NOL4: variants seen among roughly 807,000 people sequenced by gnomAD.
The protein encoded by NOL4 is cancer/testis antigen 125.
A neutral mutation model predicts 75.9 loss-of-function variants in NOL4; 17 were observed. The observed-to-expected ratio is 0.22, with a 90% CI of 0.15 to 0.34. NOL4 has a LOEUF of 0.34. Among genes scored for constraint, NOL4 ranks in the 10% least tolerant of loss-of-function variants. The pLI, the probability that NOL4 is intolerant of heterozygous loss-of-function variation, is 1.00. For missense variants in NOL4, 614 were observed against 793.5 expected (o/e 0.77, Z 2.72); for synonymous variants, 292 against 289.9 (o/e 1.01, Z -0.07).
intron 9 of NOL4, among the ~76,000 whole-genome samples, chr18:33,926,472 T>C (rs1262988519): frequency 6.6e-6 from 1 of 152,008 alleles, no homozygotes; most frequent in African/African-American, 2.4e-5. Flanking sequence ...TTCTTAGATG[T>C]CTTCTGAAAA....
intron 5 of NOL4, among the ~76,000 whole-genome samples, chr18:34,057,289 T>C (rs1008447907): frequency 4.6e-5 from 7 of 152,212 alleles, no homozygotes; most frequent in Non-Finnish European, 8.8e-5. Context: ...CATGTGCATA[T>C]GTACACTCAC....
chr18:34,066,080 T>C (rs2077264274), intron 5 of NOL4, among the ~76,000 whole-genome samples: 1 of 152,014 alleles, frequency 6.6e-6, no homozygotes, highest in Non-Finnish European at 1.5e-5. Flanking sequence ...TGATTTGAAG[T>C]ATATATTCTA....
intron 1 of NOL4, among the ~76,000 whole-genome samples, chr18:34,196,997 T>C (rs987602153): frequency 2.0e-5 from 3 of 152,034 alleles, no homozygotes; most frequent in Non-Finnish European, 4.4e-5. Context: ...AGGTTTTGAG[T>C]TCTTCTGTTT....
rs747554056 is a variant in NOL4 at position 34,019,489 on chromosome 18, A to G, written c.885T>C (p.Thr295=). 6.2e-7 allele frequency: 1 copy of G among 1,614,016 alleles called. No individual in the cohort carries two copies. Among genetic ancestry groups the G allele is most frequent in the Admixed American group, 1.7e-5 (1 of 59,986 alleles). The change falls in exon 6 of 11, where the codon ACT becomes ACC. Residue 295 remains threonine (T), a synonymous_variant. Coordinates refer to ENST00000261592, the MANE Select transcript of NOL4 (RefSeq NM_003787.5). ...EMGDSNSDGK[T]GLEQDEQPLN... ...GTGGCTGTTCATCTTGCTCCAGCCC[A>G]GTTTTGCCATCACTGTTGGAGTCTC...
intron 8 of NOL4, among the ~76,000 whole-genome samples, chr18:33,951,937 A>G (rs1247143067): frequency 6.6e-6 from 1 of 152,136 alleles, no homozygotes; most frequent in African/African-American, 2.4e-5. Context: ...TTGGGTGGAC[A>G]TTCATACCCC....
At chr18:33,951,326 T>C (rs2069201818) in intron 8 of NOL4, among the ~76,000 whole-genome samples, 1 of 152,170 alleles carries the variant, frequency 6.6e-6, no homozygotes, top group African/African-American at 2.4e-5. Flanking sequence ...AGACTTTTTT[T>C]CTTAGTACTT....
intron 5 of NOL4, among the ~76,000 whole-genome samples, chr18:34,079,680 A>G (rs2077910813): frequency 1.3e-5 from 2 of 152,012 alleles, no homozygotes; most frequent in Non-Finnish European, 2.9e-5. Context: ...TCCCACACAC[A>G]TATGATTGAA....
intron 5 of NOL4, among the ~76,000 whole-genome samples, chr18:34,032,397 C>T (rs924147462): frequency 6.6e-6 from 1 of 152,144 alleles, no homozygotes; most frequent in Non-Finnish European, 1.5e-5. Context: ...CTCACCTGGC[C>T]CAGTGTTGCC....
intron 5 of NOL4, among the ~76,000 whole-genome samples, chr18:34,082,837 C>A (rs906335729): frequency 1.3e-5 from 2 of 152,164 alleles, no homozygotes; most frequent in Non-Finnish European, 2.9e-5. Context: ...AACATTGTTA[C>A]ACCATAACAA....
intron 6 of NOL4, among the ~76,000 whole-genome samples, chr18:33,991,801 A>G (rs1160470974): frequency 3.9e-5 from 6 of 152,060 alleles, no homozygotes; most frequent in African/African-American, 1.4e-4. Flanking sequence ...TGGTGGCCAT[A>G]CTAGACAGAG....
chr18:33,891,979 T>C (rs1227919233), intron 9 of NOL4, among the ~76,000 whole-genome samples: 2 of 152,170 alleles, frequency 1.3e-5, no homozygotes, highest in Admixed American at 6.6e-5. Flanking sequence ...CAATAAAATC[T>C]GGTCCATAGT....
intron 2 of NOL4, among the ~76,000 whole-genome samples, chr18:34,124,034 TA>T (rs1467920737): frequency 2.0e-5 from 3 of 152,138 alleles, no homozygotes; most frequent in African/African-American, 7.2e-5. Context: ...CTATCTCTGT[TA>T]GACATCCAGA....
intron 1 of NOL4, among the ~76,000 whole-genome samples, chr18:34,165,121 T>C (rs865880035): frequency 1.3e-4 from 19 of 149,544 alleles, no homozygotes; most frequent in Non-Finnish European, 2.2e-4. Context: ...GGGATAGCAT[T>C]AGGAGATATA....
intron 1 of NOL4, among the ~76,000 whole-genome samples, chr18:34,142,636 A>T (rs1359201057): frequency 6.6e-6 from 1 of 152,188 alleles, no homozygotes; most frequent in Non-Finnish European, 1.5e-5. Context: ...AACAATGAGA[A>T]CACTTGGACA....
intron 1 of NOL4, among the ~76,000 whole-genome samples, chr18:34,202,493 G>T (rs900713951): frequency 2.6e-5 from 4 of 151,712 alleles, no homozygotes; most frequent in African/African-American, 4.8e-5. Flanking sequence ...TACCCACCTG[G>T]TTGGACGATT....
chr18:33,936,896 TCTTA>T (rs1395774826), intron 9 of NOL4, among the ~76,000 whole-genome samples: 1 of 152,070 alleles, frequency 6.6e-6, no homozygotes, highest in African/African-American at 2.4e-5. Context: ...TTCTAATCCC[TCTTA>T]CTTTTTGCCT....
chr18:34,057,235 T>C (rs1270792922), intron 5 of NOL4, among the ~76,000 whole-genome samples: 8 of 152,146 alleles, frequency 5.3e-5, no homozygotes, highest in African/African-American at 1.9e-4. Context: ...CCCACCACCA[T>C]GTACTTATAT....
At chr18:34,017,882 T>C (rs1462874933) in intron 6 of NOL4, among the ~76,000 whole-genome samples, 1 of 152,134 alleles carries the variant, frequency 6.6e-6, no homozygotes, top group Non-Finnish European at 1.5e-5. Context: ...CTTCTTCTCT[T>C]CTAGGCTCAT....
chr18:34,169,592 C>CA (rs2032815206), intron 1 of NOL4, among the ~76,000 whole-genome samples: 1 of 151,588 alleles, frequency 6.6e-6, no homozygotes, highest in Non-Finnish European at 1.5e-5. Context: ...ATGCCACTTA[C>CA]AAAAAATGTA....
Sources: allele counts gnomAD v4.1 joint callset (sites outside exome capture counted in the v4.1 genomes callset), GRCh38; gene constraint gnomAD v4.1.1; transcripts MANE v1.5; gene names NCBI Gene and HGNC (gene_info 2026-07-23, HGNC 2026-07-21).